IGSF3: variants seen among roughly 807,000 people sequenced by gnomAD.
The protein encoded by IGSF3 is glu-Trp-Ile EWI motif-containing protein 3.
In IGSF3, 23 loss-of-function variants were observed where a neutral mutation model predicts 114.4. That is an observed-to-expected ratio of 0.20 (90% CI 0.14 to 0.28). The LOEUF is 0.28. Among genes scored for constraint, IGSF3 ranks in the 10% least tolerant of loss-of-function variants. The probability of loss-of-function intolerance (pLI) is 1.00; values close to 1 mark genes in which losing one functional copy is unlikely to be tolerated. For missense variants in IGSF3, 1,172 were observed against 1,591.5 expected, an observed-to-expected ratio of 0.74 and a Z score of 4.48; for synonymous variants, 571 against 645.2, an observed-to-expected ratio of 0.88 and a Z score of 1.74.
At chr1:116,620,142 A>G (rs1661367877) in intron 2 of IGSF3, among the ~76,000 whole-genome samples, 1 of 152,262 alleles carries the variant, frequency 6.6e-6, no homozygotes, top group South Asian at 2.1e-4. Flanking sequence ...ACCCCTTGGA[A>G]CTTCCTAAGC....
At position 116,664,280 on chromosome 1, in the gene IGSF3, C is replaced by G. The variant is rs571631045; in HGVS notation, c.43+2004G>C. Among the ~76,000 whole-genome samples the G allele has an allele frequency of 4.3e-4, 65 of 152,282 alleles. No homozygotes were observed. The highest frequency in any genetic ancestry group is 1.5e-3 in the African/African-American group (64 of 41,560). On this transcript the variant is annotated intron_variant, in intron 2 of 10. Transcript: ENST00000369486. This position sits in a 1 kb window ranked among gnomAD's most constrained non-coding sequence, Gnocchi z 4.6. ...CATTTTCCTCCATGGCACCTGTTTA[C>G]ACATGAAGATGAGGGTGGAGGGAAA...
rs990635174 is a variant in IGSF3, at chr1:116,632,353, G to A, written c.44-15896C>T. ...ACAGCCAGATGAGATATGGATCTGT[G>A]GGGGGAAGAAGGGGTGGGCGTGCTA... On this transcript the variant is annotated intron_variant, in intron 2 of 10. Transcript: ENST00000369486. The surrounding 1 kb of genome is among the most constrained non-coding windows in gnomAD (Gnocchi z 5.1). 6.6e-6 allele frequency among the ~76,000 whole-genome samples: 1 copy of A among 152,120 alleles called. No individual in the cohort carries two copies. The highest frequency in any genetic ancestry group is 1.5e-5 in the Non-Finnish European group (1 of 68,034).
chr1:116,626,817 T>C (rs139488698), intron 2 of IGSF3, among the ~76,000 whole-genome samples: 2,816 of 152,040 alleles, frequency 0.019, 87 homozygotes, highest in African/African-American at 0.064. Flanking sequence ...TCCCCCTCAC[T>C]CTCATGCGAA....
At chr1:116,622,206 G>A (rs1661445297) in intron 2 of IGSF3, among the ~76,000 whole-genome samples, 1 of 152,216 alleles carries the variant, frequency 6.6e-6, no homozygotes, top group Non-Finnish European at 1.5e-5. Context: ...AATTCTGCAT[G>A]CGACTCAGCC....
chr1:116,607,165 T>C lies in IGSF3; in HGVS notation c.1222+777A>G, dbSNP rs1320449594. On this transcript the variant is annotated intron_variant, in intron 5 of 10. Coordinates refer to ENST00000369486, the MANE Select transcript of IGSF3 (RefSeq NM_001007237.3). The surrounding 1 kb of genome is among the most constrained non-coding windows in gnomAD (Gnocchi z 6.1). Reference sequence around the variant, plus strand: ...AAAATCAGAGCATTATAGGTTTTTATTCTCTTTACTAAAAACAGAACTATG... The same window carrying C: ...AAAATCAGAGCATTATAGGTTTTTACTCTCTTTACTAAAAACAGAACTATG... 6.6e-6 allele frequency among the ~76,000 whole-genome samples: 1 copy of C among 152,250 alleles called. No homozygotes were observed. The highest frequency in any genetic ancestry group is 2.4e-5 in the African/African-American group (1 of 41,460).
Position 116,584,491 on chromosome 1 carries a change from A to G in IGSF3, c.2848+154T>C. 2.7e-6 allele frequency: 2 copies of G among 746,498 alleles called. No homozygotes were observed. The highest frequency in any genetic ancestry group is 4.2e-6 in the Non-Finnish European group (2 of 470,836). The allele number at this position is 746,498 out of a possible 1,614,324, so 46.2% of individuals were successfully genotyped here. ...TTTCCATTCACAAGAAAAAAAATTC[A>G]GGCAATTTTGAATATAAATGCATAT... On this transcript the variant is annotated intron_variant, in intron 9 of 10. Coordinates refer to ENST00000369486, the MANE Select transcript of IGSF3 (RefSeq NM_001007237.3). This position sits in a 1 kb window ranked among gnomAD's most constrained non-coding sequence, Gnocchi z 5.8.
In IGSF3 at chr1:116,577,986, C is replaced by T. The variant is rs1189528968; in HGVS notation, c.3335-424G>A. Among the ~76,000 whole-genome samples, 1 of 152,182 alleles carries T rather than the reference C, an allele frequency of 6.6e-6. No homozygotes were observed. On this transcript the variant is annotated intron_variant, in intron 10 of 10. Transcript: ENST00000369486. The surrounding 1 kb of genome is among the most constrained non-coding windows in gnomAD (Gnocchi z 5.7). The stretch of plus-strand genomic sequence containing the variant: ...TCCTTCTCTGGGATTATGACACAAT[C>T]CCTTCCTGCCAGCTTCTGAGAGCAG...
intron 2 of IGSF3, among the ~76,000 whole-genome samples, chr1:116,660,479 C>CA (rs1464713988): frequency 3.0e-5 from 3 of 99,742 alleles, no homozygotes; most frequent in African/African-American, 1.1e-4. Context: ...GTATGCTTTT[C>CA]TTTTTTTTTT....
chr1:116,658,396 C>G (rs377298417), intron 2 of IGSF3, among the ~76,000 whole-genome samples: 51 of 151,988 alleles, frequency 3.4e-4, no homozygotes, highest in African/African-American at 1.2e-3. Context: ...AACAGGCCCC[C>G]CTTTGCTTCG....
rs935822217 is a variant in IGSF3 at position 116,593,588 on chromosome 1, C to G, written c.2030-4484G>C. ...AAACTGTTACTACCCCTGAGTCCCT[C>G]TGTCCTTAACACCCCTTGGCTCCCT... is the stretch of plus-strand genomic sequence containing the variant. On this transcript the variant is annotated intron_variant, in intron 7 of 10. Transcript: ENST00000369486. This position sits in a 1 kb window ranked among gnomAD's most constrained non-coding sequence, Gnocchi z 4.5. Among the ~76,000 whole-genome samples the G allele has an allele frequency of 5.9e-5, 9 of 152,238 alleles. No homozygotes were observed. Among genetic ancestry groups the G allele is most frequent in the Admixed American group, 1.3e-4 (2 of 15,292 alleles).
chr1:116,663,818 A>C (rs983249742), intron 2 of IGSF3, among the ~76,000 whole-genome samples: 8 of 152,182 alleles, frequency 5.3e-5, no homozygotes, highest in Admixed American at 5.2e-4. Context: ...TGGTACCTGC[A>C]TCGGTCTCAC....
Position 116,592,042 on chromosome 1 carries a change from C to T in IGSF3, c.2030-2938G>A, listed in dbSNP as rs1347181603. 2.6e-5 allele frequency among the ~76,000 whole-genome samples: 4 copies of T among 152,120 alleles called. No homozygotes were observed. Among genetic ancestry groups the T allele is most frequent in the African/African-American group, 7.2e-5 (3 of 41,400 alleles). On this transcript the variant is annotated intron_variant, in intron 7 of 10. Transcript: ENST00000369486. This position sits in a 1 kb window ranked among gnomAD's most constrained non-coding sequence, Gnocchi z 4.5. ...CTTGTCCCAAGTTCAAAGTTCAACA[C>T]TTAGAATGGGAGTTGTCAAGCATAA...
rs1177246652 is a variant in IGSF3 at position 116,625,721 on chromosome 1, T to C, written c.44-9264A>G. Reference sequence around the variant, plus strand: ...GGTTTTAAATCCAAGGACAAAAATATCATTCATTCACTCTTTCATTCTTTC... The same window carrying C: ...GGTTTTAAATCCAAGGACAAAAATACCATTCATTCACTCTTTCATTCTTTC... On this transcript the variant is annotated intron_variant, in intron 2 of 10. Coordinates refer to ENST00000369486, the MANE Select transcript of IGSF3 (RefSeq NM_001007237.3). The surrounding 1 kb of genome is among the most constrained non-coding windows in gnomAD (Gnocchi z 4.7). 3.9e-5 allele frequency among the ~76,000 whole-genome samples: 6 copies of C among 152,150 alleles called. No individual in the cohort carries two copies. The highest frequency in any genetic ancestry group is 8.8e-5 in the Non-Finnish European group (6 of 68,030).
chr1:116,590,343 T>C (rs1247104183), intron 7 of IGSF3, among the ~76,000 whole-genome samples: 1 of 149,488 alleles, frequency 6.7e-6, no homozygotes, highest in Admixed American at 6.7e-5. Flanking sequence ...TGCATTCCCC[T>C]ACCCAAGCCT....
At position 116,625,245 on chromosome 1, in the gene IGSF3, A is replaced by G. The variant is rs1177324520; in HGVS notation, c.44-8788T>C. On this transcript the variant is annotated intron_variant, in intron 2 of 10. Coordinates refer to ENST00000369486, the MANE Select transcript of IGSF3 (RefSeq NM_001007237.3). This position sits in a 1 kb window ranked among gnomAD's most constrained non-coding sequence, Gnocchi z 4.7. ...GCTGACAATCCTAAAATAAATACACATAACTAATCATTTTAATGGTATACA... is the reference window on the plus strand; with the variant it reads ...GCTGACAATCCTAAAATAAATACACGTAACTAATCATTTTAATGGTATACA... Among the ~76,000 whole-genome samples the G allele has an allele frequency of 1.3e-5, 2 of 152,260 alleles. No individual in the cohort carries two copies. The highest frequency in any genetic ancestry group is 1.3e-4 in the Admixed American group (2 of 15,290).
chr1:116,643,093 C>T (rs1648182106), intron 2 of IGSF3, among the ~76,000 whole-genome samples: 1 of 152,182 alleles, frequency 6.6e-6, no homozygotes, highest in African/African-American at 2.4e-5. Flanking sequence ...GGAGAGGCAC[C>T]AGGGTCATGG....
chr1:116,651,165 C>T lies in IGSF3; in HGVS notation c.43+15119G>A, dbSNP rs2101070261. Among the ~76,000 whole-genome samples, 1 of 152,310 alleles carries T rather than the reference C, an allele frequency of 6.6e-6. No homozygotes were observed. Among genetic ancestry groups the T allele is most frequent in the East Asian group, 1.9e-4 (1 of 5,186 alleles). ...CAAATCTGTGGAATGAGTGCATGAT[C>T]TCATGAGCTCTGGTCTGGAAAAGTA... is the stretch of plus-strand genomic sequence containing the variant. On this transcript the variant is annotated intron_variant, in intron 2 of 10. Coordinates refer to ENST00000369486, the MANE Select transcript of IGSF3 (RefSeq NM_001007237.3). The surrounding 1 kb of genome is among the most constrained non-coding windows in gnomAD (Gnocchi z 4.4).
chr1:116,666,224 C>CCA (rs2101095809), intron 2 of IGSF3, 60 bp downstream of exon 2: 1 of 1,480,438 alleles, frequency 6.8e-7, no homozygotes, highest in Non-Finnish European at 9.5e-7. Flanking sequence ...CGAGAAATTA[C>CCA]AGGAACCAAG....
Position 116,642,835 on chromosome 1 carries a change from C to T in IGSF3, c.43+23449G>A, listed in dbSNP as rs1648171411. 6.6e-6 allele frequency among the ~76,000 whole-genome samples: 1 copy of T among 152,176 alleles called. No individual in the cohort carries two copies. Among genetic ancestry groups the T allele is most frequent in the Admixed American group, 6.5e-5 (1 of 15,284 alleles). On this transcript the variant is annotated intron_variant, in intron 2 of 10. Transcript: ENST00000369486. The surrounding 1 kb of genome is among the most constrained non-coding windows in gnomAD (Gnocchi z 5.4). Reference sequence around the variant, plus strand: ...GATGTCAGCAGGGGGCCACCAGGGCCACCTGCCAGTGAGCCCACTGCTTAG... The same window carrying T: ...GATGTCAGCAGGGGGCCACCAGGGCTACCTGCCAGTGAGCCCACTGCTTAG...
Sources: gnomAD v4.1 joint callset for allele counts (sites outside exome capture counted in the v4.1 genomes callset) on GRCh38, gnomAD v4.1.1 for gene constraint, Gnocchi (gnomAD v3.1) non-coding constraint, MANE v1.5 for transcripts, NCBI Gene and HGNC (gene_info 2026-07-23, HGNC 2026-07-21) for gene names.